The following ASCL5 variants were observed in gnomAD, a reference collection of about 807,000 sequenced individuals.
ASCL5 encodes the protein achaete-scute homolog 5.
For missense variants in ASCL5, 262 were observed against 268.9 expected (o/e 0.97, Z 0.18); for synonymous variants, 124 against 131.5 (o/e 0.94, Z 0.39).
At chr1:201,121,135 A>G (rs956811153) in intron 1 of ASCL5, among the ~76,000 whole-genome samples, 1 of 152,196 alleles carries the variant, frequency 6.6e-6, no homozygotes, top group African/African-American at 2.4e-5. Flanking sequence ...CTTGGAGGGC[A>G]TGTTAGCATC....
In ASCL5 at chr1:201,120,175, T is replaced by A. The variant is rs1237546272; in HGVS notation, c.-505-4298A>T. ...CAAAGAACTTTCTAATCCTCAAATC[T>A]GACTTGCACCAGAGAGGGCGTATTG... is the stretch of plus-strand genomic sequence containing the variant. On this transcript the variant is annotated intron_variant, in intron 1 of 1. Transcript: ENST00000449188. 3.3e-5 allele frequency among the ~76,000 whole-genome samples: 5 copies of A among 152,284 alleles called. No homozygotes were observed. In the East Asian group the frequency reaches 9.6e-4, roughly 29 times the overall value.
intron 1 of ASCL5, among the ~76,000 whole-genome samples, chr1:201,117,846 T>C (rs187799946): frequency 3.2e-4 from 48 of 152,348 alleles, no homozygotes; most frequent in African/African-American, 1.1e-3. Flanking sequence ...GGCTTTTATT[T>C]CTCAGGTAAC....
At chr1:201,116,325 AC>A (rs1196680889) in intron 1 of ASCL5, among the ~76,000 whole-genome samples, 2 of 151,992 alleles carry the variant, frequency 1.3e-5, no homozygotes, top group East Asian at 3.9e-4. Context: ...AGGGAAGCCA[AC>A]TCTTTATGGA....
chr1:201,123,017 C>T (rs973129912), intron 1 of ASCL5, among the ~76,000 whole-genome samples: 13 of 152,254 alleles, frequency 8.5e-5, no homozygotes, highest in African/African-American at 2.2e-4. Context: ...CGTTAAGGGA[C>T]GGGTGACCTT....
Position 201,114,884 on chromosome 1 carries a change from C to A in ASCL5, c.489G>T (p.Pro163=). ...GGCGGTCGGGACGGGGGGTGGCGGG[C>A]GGCGCGGGGCAGGGCCCGGTGCCCG... The part of the protein sequence containing the change: ...GLPGTGPCPA[P]PATPRPDRPG... The change falls in exon 2 of 2, where the codon CCG becomes CCT. Residue 163 remains proline (P), a synonymous_variant. Coordinates refer to ENST00000449188, the MANE Select transcript of ASCL5 (RefSeq NM_001270601.2). 2 of 1,198,668 alleles carry A rather than the reference C, an allele frequency of 1.7e-6. No homozygotes were observed. The highest frequency in any genetic ancestry group is 2.1e-6 in the Non-Finnish European group (2 of 963,616). The allele number at this position is 1,198,668 out of a possible 1,614,324, so 74.3% of individuals were successfully genotyped here.
intron 1 of ASCL5, among the ~76,000 whole-genome samples, chr1:201,124,797 T>C (rs2102202871): frequency 6.6e-6 from 1 of 152,330 alleles, no homozygotes; most frequent in Admixed American, 6.5e-5. Context: ...GGTGTCCTTG[T>C]GAAGTGGGTG....
In ASCL5 at chr1:201,114,756, T is replaced by C; in HGVS notation, c.617A>G (p.His206Arg). 4.9e-6 allele frequency: 6 copies of C among 1,229,802 alleles called. No homozygotes were observed. The highest frequency in any genetic ancestry group is 6.1e-6 in the Non-Finnish European group (6 of 986,776). 76.2% of individuals were successfully genotyped at this position (1,229,802 alleles called of 1,614,324 possible). A position where few individuals can be genotyped will look rare whatever the true frequency, so the allele number is the denominator to read the frequency against. ...CGGGGGCGGCCACAGGCCCGATCAA[T>C]GCCAGGATTCCTCCGACTCCAAGAA... ...SPFLESEESWH is the reference protein window; with the variant it reads ...SPFLESEESWR The change falls in exon 2 of 2, where the codon CAT (histidine) becomes CGT (arginine). Residue 206 changes from histidine (H) to arginine (R), a missense_variant. Coordinates refer to ENST00000449188, the MANE Select transcript of ASCL5 (RefSeq NM_001270601.2).
Position 201,115,268 on chromosome 1 carries a change from G to A in ASCL5, c.105C>T (p.Pro35=). ...VMPPPRQAPL[P]PAEPLGNVPF... ...GCACGTTGCCCAGGGGCTCGGCGGG[G>A]GGCAGGGGCGCCTGCCGGGGAGGGG... The change falls in exon 2 of 2, where the codon CCC becomes CCT. Residue 35 remains proline, a synonymous_variant. Transcript: ENST00000449188. 1 of 1,231,446 alleles carries A rather than the reference G, an allele frequency of 8.1e-7. No individual in the cohort carries two copies. Among genetic ancestry groups the A allele is most frequent in the Non-Finnish European group, 1.0e-6 (1 of 987,770 alleles). The allele number at this position is 1,231,446 out of a possible 1,614,324, so 76.3% of individuals were successfully genotyped here.
At position 201,114,613 on chromosome 1, in the gene ASCL5, C is replaced by T. The variant is rs1365409571; in HGVS notation, c.*139G>A. The T allele has an allele frequency of 9.5e-6, 7 of 735,646 alleles. No individual in the cohort carries two copies. The highest frequency in any genetic ancestry group is 1.3e-5 in the Non-Finnish European group (7 of 538,330). 45.6% of individuals were successfully genotyped at this position (735,646 alleles called of 1,614,324 possible). A position where few individuals can be genotyped will look rare whatever the true frequency, so the allele number is the denominator to read the frequency against. On this transcript the variant is annotated 3_prime_UTR_variant, in exon 2 of 2. Transcript: ENST00000449188. ...AGCTGGTGGAGGAGGGAGGGTGTCG[C>T]AGACACGGGAGCGCCGCGGACCTCC...
chr1:201,124,035 C>T (rs867367589), intron 1 of ASCL5, among the ~76,000 whole-genome samples: 3 of 152,184 alleles, frequency 2.0e-5, no homozygotes, highest in Admixed American at 6.5e-5. Context: ...CAAGTTACTG[C>T]AATTCCTGTT....
At chr1:201,123,368 T>A (rs1430436998) in intron 1 of ASCL5, among the ~76,000 whole-genome samples, 1 of 152,226 alleles carries the variant, frequency 6.6e-6, no homozygotes, top group Admixed American at 6.5e-5. Context: ...CAACCTCAAC[T>A]GCTGCCCTCA....
intron 1 of ASCL5, among the ~76,000 whole-genome samples, chr1:201,126,249 C>T (rs1663578225): frequency 1.3e-5 from 2 of 152,060 alleles, no homozygotes; most frequent in African/African-American, 4.8e-5. Context: ...AATCCTCCTG[C>T]CTCAGCCTCC....
rs577128406 is a variant in ASCL5 at position 201,116,138 on chromosome 1, G to GA, written c.-505-262dup. 3.0e-4 allele frequency among the ~76,000 whole-genome samples: 45 copies of GA among 152,234 alleles called. No homozygotes were observed. The South Asian group carries it at 7.9e-3, about 27-fold the overall frequency. On this transcript the variant is annotated intron_variant, in intron 1 of 1. Coordinates refer to ENST00000449188, the MANE Select transcript of ASCL5 (RefSeq NM_001270601.2). ...TTAATAAGATATGAGAATCAAATGTGAAAAAATATATGCAAAAAACACCTC... is the reference window on the plus strand; with the variant it reads ...TTAATAAGATATGAGAATCAAATGTGAAAAAAATATATGCAAAAAACACCTC...
At position 201,115,443 on chromosome 1, in the gene ASCL5, C is replaced by G. The variant is rs1663319962; in HGVS notation, c.-71G>C. On this transcript the variant is annotated 5_prime_UTR_variant, in exon 2 of 2. Transcript: ENST00000449188. Reference sequence around the variant, plus strand: ...CCCCGGCTTGGGGTCTGCACCGTCTCCACCAGTGGGGCAAGTCACATCGCT... The same window carrying G: ...CCCCGGCTTGGGGTCTGCACCGTCTGCACCAGTGGGGCAAGTCACATCGCT... 1 of 1,195,282 alleles carries G rather than the reference C, an allele frequency of 8.4e-7. No individual in the cohort carries two copies. Among genetic ancestry groups the G allele is most frequent in the Non-Finnish European group, 1.0e-6 (1 of 955,098 alleles). The allele number at this position is 1,195,282 out of a possible 1,614,324, so 74.0% of individuals were successfully genotyped here. A position where few individuals can be genotyped will look rare whatever the true frequency, so the allele number is the denominator to read the frequency against.
rs1234209642 is a variant in ASCL5 at position 201,115,595 on chromosome 1, G to C, written c.-223C>G. 5.4e-6 allele frequency: 2 copies of C among 368,998 alleles called. No homozygotes were observed. The highest frequency in any genetic ancestry group is 1.5e-4 in the South Asian group (1 of 6,806). 22.9% of individuals were successfully genotyped at this position (368,998 alleles called of 1,614,324 possible). A position where few individuals can be genotyped will look rare whatever the true frequency, so the allele number is the denominator to read the frequency against. Reference sequence around the variant, plus strand: ...GGCCCCTCTCAGGAGGTCGGTGCACGCCTTCTCAGAGCCAGCCCATGGCGC... The same window carrying C: ...GGCCCCTCTCAGGAGGTCGGTGCACCCCTTCTCAGAGCCAGCCCATGGCGC... On this transcript the variant is annotated 5_prime_UTR_variant, in exon 2 of 2. Transcript: ENST00000449188.
rs1663379606 is a variant in ASCL5 at position 201,118,062 on chromosome 1, C to A, written c.-505-2185G>T. On this transcript the variant is annotated intron_variant, in intron 1 of 1. Coordinates refer to ENST00000449188, the MANE Select transcript of ASCL5 (RefSeq NM_001270601.2). ...GTTCATGTTGATTTAATATTCATAA[C>A]TTATTTATTTTCCTCATATACTATT... Among the ~76,000 whole-genome samples the A allele has an allele frequency of 2.6e-5, 4 of 152,200 alleles. No individual in the cohort carries two copies. The South Asian group carries it at 8.3e-4, about 31-fold the overall frequency.
chr1:201,115,381 G>C lies in ASCL5; in HGVS notation c.-9C>G, dbSNP rs905957036. 1.2e-5 allele frequency: 15 copies of C among 1,231,410 alleles called. No individual in the cohort carries two copies. Among genetic ancestry groups the C allele is most frequent in the Middle Eastern group, 3.1e-4 (1 of 3,232 alleles). The allele number at this position is 1,231,410 out of a possible 1,614,324, so 76.3% of individuals were successfully genotyped here. Reference sequence around the variant, plus strand: ...CAGAAGTTATTGTTCATGGTGCCGCGTGGAGCTGGACCCAGAGCGAGGCCT... The same window carrying C: ...CAGAAGTTATTGTTCATGGTGCCGCCTGGAGCTGGACCCAGAGCGAGGCCT... On this transcript the variant is annotated 5_prime_UTR_variant, in exon 2 of 2. Coordinates refer to ENST00000449188, the MANE Select transcript of ASCL5 (RefSeq NM_001270601.2).
At chr1:201,122,337 C>A (rs2102201819) in intron 1 of ASCL5, among the ~76,000 whole-genome samples, 1 of 152,302 alleles carries the variant, frequency 6.6e-6, no homozygotes, top group African/African-American at 2.4e-5. Flanking sequence ...CTGACCAAGC[C>A]AAGTCCTCAA....
chr1:201,115,256 G>T lies in ASCL5; in HGVS notation c.117C>A (p.Pro39=). 3.2e-6 allele frequency: 4 copies of T among 1,231,530 alleles called. No homozygotes were observed. Among genetic ancestry groups the T allele is most frequent in the Non-Finnish European group, 4.0e-6 (4 of 987,850 alleles). The allele number at this position is 1,231,530 out of a possible 1,614,324, so 76.3% of individuals were successfully genotyped here. ...PRQAPLPPAE[P]LGNVPFLLYP... is the part of the protein sequence containing the mutation. ...ACAGCAGGAAGGGCACGTTGCCCAG[G>T]GGCTCGGCGGGGGGCAGGGGCGCCT... is the stretch of plus-strand genomic sequence containing the variant. Residue 39 remains proline (P), a synonymous_variant, in exon 2 of 2, where the codon CCC becomes CCA. Transcript: ENST00000449188.
Sources: allele counts gnomAD v4.1 joint callset (sites outside exome capture counted in the v4.1 genomes callset), GRCh38; gene constraint gnomAD v4.1.1; transcripts MANE v1.5; gene names NCBI Gene and HGNC (gene_info 2026-07-23, HGNC 2026-07-21).